The following LAMB3 variants were observed in gnomAD, a reference collection of about 807,000 sequenced individuals.
LAMB3 encodes the protein laminin subunit beta 3.
A neutral mutation model predicts 140.3 loss-of-function variants in LAMB3; 104 were observed. The ratio of observed to expected loss-of-function variants is 0.74; its 90% CI spans 0.63 to 0.87. The LOEUF (loss-of-function observed/expected upper bound fraction) is 0.87, where lower values mean the gene tolerates loss of function less well. LAMB3 is among the 40% of genes least tolerant of loss of function. The probability of loss-of-function intolerance (pLI) is 0.00; values close to 1 mark genes in which losing one functional copy is unlikely to be tolerated. For synonymous variants in LAMB3, 592 were observed against 602.9 expected, an observed-to-expected ratio of 0.98 and a Z score of 0.26; for missense variants, 1,531 against 1,575.2, an observed-to-expected ratio of 0.97 and a Z score of 0.47.
chr1:209,626,705 C>G (rs1195572820), intron 13 of LAMB3, among the ~76,000 whole-genome samples, 162 bp downstream of exon 13: 1 of 152,230 alleles, frequency 6.6e-6, no homozygotes, highest in Non-Finnish European at 1.5e-5. Context: ...GAGGCCATGC[C>G]AACAGGCCGG....
Position 209,623,341 on chromosome 1 carries a change from G to A in LAMB3, c.2359-162C>T, listed in dbSNP as rs1171108303. On this transcript the variant is annotated intron_variant, in intron 16 of 22. Coordinates refer to ENST00000356082, the MANE Select transcript of LAMB3 (RefSeq NM_000228.3). This position sits in a 1 kb window ranked among gnomAD's most constrained non-coding sequence, Gnocchi z 4.2. The stretch of plus-strand genomic sequence containing the variant: ...CTAAGGACCAGAAACTGGTTTCCTT[G>A]GCAACCACTGAGCTCACAGTGAGCA... 1 of 1,017,334 alleles carries A rather than the reference G, an allele frequency of 9.8e-7. No homozygotes were observed. The highest frequency in any genetic ancestry group is 1.5e-6 in the Non-Finnish European group (1 of 657,652). The allele number at this position is 1,017,334 out of a possible 1,614,324, so 63.0% of individuals were successfully genotyped here.
chr1:209,620,145 G>A (rs954870471), intron 18 of LAMB3, among the ~76,000 whole-genome samples: 12 of 152,162 alleles, frequency 7.9e-5, no homozygotes, highest in African/African-American at 1.2e-4. Context: ...ACATTCAGTC[G>A]CAGAGCCTTC....
intron 3 of LAMB3, among the ~76,000 whole-genome samples, chr1:209,647,764 C>T (rs1163665486): frequency 6.6e-6 from 1 of 152,112 alleles, no homozygotes; most frequent in Non-Finnish European, 1.5e-5. Context: ...ATGTTTCTCT[C>T]GGAAGTCTAA....
In LAMB3 at chr1:209,627,519, C is replaced by T. The variant is rs922467680; in HGVS notation, c.1349G>A (p.Arg450His). The part of the protein sequence containing the change: ...RDMPCDEESG[R>H]CLCLPNVVGP... ...CACCACGTTGGGCAGACAAAGGCAGCGCCCACTCTCCTCGTCACACGGCAT... is the reference window on the plus strand; with the variant it reads ...CACCACGTTGGGCAGACAAAGGCAGTGCCCACTCTCCTCGTCACACGGCAT... The change falls in exon 12 of 23, where the codon CGC becomes CAC. Residue 450 changes from arginine to histidine, a missense_variant. Coordinates refer to ENST00000356082, the MANE Select transcript of LAMB3 (RefSeq NM_000228.3). The T allele has an allele frequency of 4.2e-5, 67 of 1,613,942 alleles. No individual in the cohort carries two copies. The highest frequency in any genetic ancestry group is 4.8e-5 in the Non-Finnish European group (57 of 1,180,028).
rs188260232 is a variant in LAMB3, at chr1:209,617,681, C to T, written c.3052-95G>A. ...TCTCCAACTCATCAGGCAGCAAAAA[C>T]CCTCTCCAACCAGAACAAACACAAT... On this transcript the variant is annotated intron_variant, in intron 20 of 22. Transcript: ENST00000356082. The T allele has an allele frequency of 4.2e-4, 602 of 1,431,672 alleles. 4 individuals are homozygous for T. In the African/African-American group the frequency reaches 7.9e-3, roughly 19 times the overall value. 88.7% of individuals were successfully genotyped at this position (1,431,672 alleles called of 1,614,324 possible).
intron 21 of LAMB3, 140 bp downstream of exon 21, chr1:209,617,270 G>T (rs1666001778): frequency 2.1e-6 from 2 of 961,578 alleles, no homozygotes; most frequent in South Asian, 2.7e-5. Flanking sequence ...GCCAGGTTTG[G>T]GTTGACTCTC....
At chr1:209,628,014 T>A in intron 11 of LAMB3, 21 bp downstream of exon 11, 1 of 1,587,924 alleles carries the variant, frequency 6.3e-7, no homozygotes, top group Middle Eastern at 1.7e-4. Flanking sequence ...CACGTCATGC[T>A]GGGCCAAGCC....
chr1:209,631,562 G>C (rs1666692980), intron 8 of LAMB3, among the ~76,000 whole-genome samples: 1 of 152,186 alleles, frequency 6.6e-6, no homozygotes, highest in Non-Finnish European at 1.5e-5. Context: ...CCAAGGTCCA[G>C]ACCCAATTCA....
At chr1:209,625,600 C>A (rs1204188241) in intron 14 of LAMB3, 48 bp downstream of exon 14, 8 of 1,611,358 alleles carry the variant, frequency 5.0e-6, no homozygotes, top group Non-Finnish European at 5.9e-6. Flanking sequence ...GGTACTGGAA[C>A]CCCTGGAGCA....
In LAMB3 at chr1:209,625,882, C is replaced by T; in HGVS notation, c.1742G>A (p.Cys581Tyr). The change falls in exon 14 of 23, where the codon TGC (cysteine) becomes TAC (tyrosine). Residue 581 changes from cysteine (C) to tyrosine (Y), a missense_variant. By Grantham distance (194) the Cys-to-Tyr change is radical (BLOSUM62 -2). Coordinates refer to ENST00000356082, the MANE Select transcript of LAMB3 (RefSeq NM_000228.3). ...YCNRYPVCVA[C>Y]HPCFQTYDAD... The stretch of plus-strand genomic sequence containing the variant: ...ATCATAGGTCTGGAAGCAAGGGTGG[C>T]AGGCCACGCACACCGGGTAGCGATT... The T allele has an allele frequency of 6.2e-7, 1 of 1,613,962 alleles. No homozygotes were observed. Among genetic ancestry groups the T allele is most frequent in the Non-Finnish European group, 8.5e-7 (1 of 1,179,942 alleles).
Position 209,623,640 on chromosome 1 carries a change from C to A in LAMB3, c.2223G>T (p.Gln741His). ...CTGCCTCTCTCCGGCTGTCCCTGAG[C>A]TGGTCCAAAAGGCGCGAGCTGTCGG... ...QVSDSSRLLD[Q>H]LRDSRREAER... The change falls in exon 16 of 23, where the codon CAG (glutamine) becomes CAT (histidine). Residue 741 changes from glutamine to histidine, a missense_variant. By Grantham distance (24) the Gln-to-His change is conservative (BLOSUM62 0). Transcript: ENST00000356082. The surrounding 1 kb of genome is among the most constrained non-coding windows in gnomAD (Gnocchi z 4.2). 1 of 1,614,218 alleles carries A rather than the reference C, an allele frequency of 6.2e-7. No homozygotes were observed. The highest frequency in any genetic ancestry group is 8.5e-7 in the Non-Finnish European group (1 of 1,180,048).
chr1:209,638,465 G>A lies in LAMB3; in HGVS notation c.298+69C>T, dbSNP rs1026801049. The A allele has an allele frequency of 3.9e-6, 4 of 1,021,364 alleles. No homozygotes were observed. The African/African-American group carries it at 4.7e-5, about 12-fold the overall frequency. 63.3% of individuals were successfully genotyped at this position (1,021,364 alleles called of 1,614,324 possible). On this transcript the variant is annotated intron_variant, in intron 4 of 22. Transcript: ENST00000356082. ...GCCTGGGAAACCCAAAGGGTTATAG[G>A]GCACCTTCCATCCGTCTTATCCTGT...
chr1:209,633,055 A>AGT lies in LAMB3; in HGVS notation c.628+13_628+14dup. ...CACCCATAGTTCCATGGACAAGAGA[A>AGT]GTAACCACACTGACCTTGAATTTTT... is the stretch of plus-strand genomic sequence containing the variant. On this transcript the variant is annotated intron_variant, in intron 7 of 22. Coordinates refer to ENST00000356082, the MANE Select transcript of LAMB3 (RefSeq NM_000228.3). 6.3e-7 allele frequency: 1 copy of AGT among 1,578,208 alleles called. No individual in the cohort carries two copies. Among genetic ancestry groups the AGT allele is most frequent in the Non-Finnish European group, 8.7e-7 (1 of 1,147,310 alleles).
At chr1:209,650,782 A>G (rs1014063248) in intron 2 of LAMB3, 135 bp downstream of exon 2, 1 of 856,498 alleles carries the variant, frequency 1.2e-6, no homozygotes, top group Non-Finnish European at 2.0e-6. Context: ...AGGTGTCCCC[A>G]GTAGACAAGT....
chr1:209,627,720 G>A, intron 11 of LAMB3, 141 bp from the exon 12 acceptor site: 2 of 841,440 alleles, frequency 2.4e-6, no homozygotes, highest in South Asian at 3.0e-5. Flanking sequence ...TGACTCACAG[G>A]ACCCCTGCGC....
chr1:209,618,357 C>T, intron 19 of LAMB3, 95 bp downstream of exon 19: 1 of 1,277,446 alleles, frequency 7.8e-7, no homozygotes, highest in African/African-American at 1.5e-5. Context: ...CCTCCTGTCT[C>T]CCAGCCCTCT....
chr1:209,621,615 A>G (rs577198934), intron 18 of LAMB3, among the ~76,000 whole-genome samples: 14 of 152,358 alleles, frequency 9.2e-5, no homozygotes, highest in African/African-American at 3.4e-4. Flanking sequence ...AACACATTTT[A>G]CATCAGTTAT....
intron 5 of LAMB3, among the ~76,000 whole-genome samples, chr1:209,636,370 T>A (rs1172828327): frequency 6.6e-6 from 1 of 152,152 alleles, no homozygotes; most frequent in African/African-American, 2.4e-5. Context: ...TTGTCAGATA[T>A]CCCCTGGGGG....
chr1:209,623,280 C>T lies in LAMB3; in HGVS notation c.2359-101G>A. Reference sequence around the variant, plus strand: ...CAACAGCCAGACATCTCCATGACAACCAAGCACCAGAAACAGCCAGACATC... The same window carrying T: ...CAACAGCCAGACATCTCCATGACAATCAAGCACCAGAAACAGCCAGACATC... On this transcript the variant is annotated intron_variant, in intron 16 of 22. Transcript: ENST00000356082. This position sits in a 1 kb window ranked among gnomAD's most constrained non-coding sequence, Gnocchi z 4.2. The T allele has an allele frequency of 1.6e-6, 2 of 1,255,512 alleles. No individual in the cohort carries two copies. The highest frequency in any genetic ancestry group is 2.3e-6 in the Non-Finnish European group (2 of 871,234). 77.8% of individuals were successfully genotyped at this position (1,255,512 alleles called of 1,614,324 possible). A position where few individuals can be genotyped will look rare whatever the true frequency, so the allele number is the denominator to read the frequency against.
Sources: allele counts gnomAD v4.1 joint callset (sites outside exome capture counted in the v4.1 genomes callset), GRCh38; gene constraint gnomAD v4.1.1; non-coding constraint Gnocchi (gnomAD v3.1); transcripts MANE v1.5; gene names NCBI Gene and HGNC (gene_info 2026-07-23, HGNC 2026-07-21).